CAMTA1: variants seen among roughly 807,000 people sequenced by gnomAD.
The protein encoded by CAMTA1 is calmodulin binding transcription activator 1.
In CAMTA1, 27 loss-of-function variants were observed where a neutral mutation model predicts 170.9. The ratio of observed to expected loss-of-function variants is 0.16; its 90% CI spans 0.12 to 0.22. The LOEUF (loss-of-function observed/expected upper bound fraction) is 0.22, where lower values mean the gene tolerates loss of function less well. Ranked by LOEUF, CAMTA1 falls within the 10% of genes least tolerant of loss-of-function variation. The pLI is 1.00. For synonymous variants in CAMTA1, 833 were observed against 891.5 expected, an observed-to-expected ratio of 0.93 and a Z score of 1.17; for missense variants, 1,619 against 2,217.2, an observed-to-expected ratio of 0.73 and a Z score of 5.42.
intron 4 of CAMTA1, among the ~76,000 whole-genome samples, chr1:7,223,178 A>G (rs1429050341): frequency 2.2e-5 from 1 of 46,368 alleles, no homozygotes; most frequent in Admixed American, 3.2e-4. Context: ...CACCCATCCA[A>G]CCATTCATTT....
intron 4 of CAMTA1, among the ~76,000 whole-genome samples, chr1:7,148,768 C>T (rs1646390535): frequency 1.3e-5 from 2 of 152,248 alleles, no homozygotes; most frequent in African/African-American, 2.4e-5. Flanking sequence ...GACCACCTCT[C>T]TCCAGCAGAC....
rs183431209 is a variant in CAMTA1, at chr1:7,300,270, C to G, written c.438+50644C>G. Among the ~76,000 whole-genome samples the G allele has an allele frequency of 4.4e-3, 675 of 152,310 alleles. 8 individuals carry two copies. Among genetic ancestry groups the G allele is most frequent in the Admixed American group, 0.024 (368 of 15,296 alleles). The stretch of plus-strand genomic sequence containing the variant: ...CCCTAGACCCTGGCACAGAATCACC[C>G]TGGTCCCCACTCTGGTCCTCCCTTC... On this transcript the variant is annotated intron_variant, in intron 5 of 22. Coordinates refer to ENST00000303635, the MANE Select transcript of CAMTA1 (RefSeq NM_015215.4). The surrounding 1 kb of genome is among the most constrained non-coding windows in gnomAD (Gnocchi z 4.1).
chr1:7,740,874 C>A (rs964902748), intron 16 of CAMTA1, among the ~76,000 whole-genome samples: 9 of 152,210 alleles, frequency 5.9e-5, no homozygotes, highest in East Asian at 1.9e-4. Context: ...TAACATCTTG[C>A]CAAATTAAGA....
chr1:7,213,875 T>G (rs1169747580), intron 4 of CAMTA1, among the ~76,000 whole-genome samples: 1 of 152,072 alleles, frequency 6.6e-6, no homozygotes, highest in East Asian at 1.9e-4. Flanking sequence ...TTTTTGTCCT[T>G]GCGATAGTTT....
chr1:7,373,132 T>A (rs2086601291), intron 5 of CAMTA1, among the ~76,000 whole-genome samples: 1 of 152,220 alleles, frequency 6.6e-6, no homozygotes, highest in South Asian at 2.1e-4. Context: ...CTATCAGCCA[T>A]GGCACTGGGT....
intron 3 of CAMTA1, among the ~76,000 whole-genome samples, chr1:6,877,863 A>G (rs1305749606): frequency 2.6e-5 from 4 of 152,162 alleles, no homozygotes; most frequent in Admixed American, 2.0e-4. Context: ...CTGGTAGGGG[A>G]AACTACCAAG....
At chr1:7,644,232 G>A (rs1301329436) in intron 7 of CAMTA1, among the ~76,000 whole-genome samples, 1 of 152,080 alleles carries the variant, frequency 6.6e-6, no homozygotes, top group Admixed American at 6.5e-5. Flanking sequence ...TCCCATCCTG[G>A]TCCTTGCAGC....
chr1:6,786,014 C>G (rs537271837), intron 1 of CAMTA1, among the ~76,000 whole-genome samples: 2 of 151,690 alleles, frequency 1.3e-5, no homozygotes, highest in Non-Finnish European at 3.0e-5. Context: ...TCGGGTCCTC[C>G]TGGCCCCGCG....
At chr1:6,786,049 G>A (rs1462988915) in intron 1 of CAMTA1, among the ~76,000 whole-genome samples, 1 of 151,700 alleles carries the variant, frequency 6.6e-6, no homozygotes. Flanking sequence ...GCCGGTCCCC[G>A]TCGGGCGGCA....
chr1:7,445,289 A>T (rs1224094235), intron 5 of CAMTA1, among the ~76,000 whole-genome samples: 1 of 151,618 alleles, frequency 6.6e-6, no homozygotes, highest in Non-Finnish European at 1.5e-5. Context: ...GCCTTCTGGA[A>T]TGATCCAAGC....
chr1:6,791,686 C>G (rs1264012652), intron 1 of CAMTA1, among the ~76,000 whole-genome samples: 1 of 152,194 alleles, frequency 6.6e-6, no homozygotes, highest in Non-Finnish European at 1.5e-5. Context: ...CATTCTTGCT[C>G]TGCTACTTTG....
intron 11 of CAMTA1, among the ~76,000 whole-genome samples, chr1:7,723,654 C>T (rs1350593806): frequency 6.6e-6 from 1 of 152,120 alleles, no homozygotes; most frequent in Non-Finnish European, 1.5e-5. Flanking sequence ...GCTGACCTCT[C>T]CAGGACATCA....
intron 4 of CAMTA1, among the ~76,000 whole-genome samples, chr1:7,161,508 CCTGTGCTGTTCT>C (rs1271433268): frequency 7.7e-4 from 117 of 152,302 alleles, no homozygotes; most frequent in Admixed American, 2.0e-3. Context: ...ACGGGTCTTT[CCTGTGCTGTTCT>C]CATGATAGTG....
rs536840373 is a variant in CAMTA1, at chr1:7,686,808, T to A, written c.2914+9075T>A. On this transcript the variant is annotated intron_variant, in intron 11 of 22. Transcript: ENST00000303635. The stretch of plus-strand genomic sequence containing the variant: ...AGGGACAGGGTGGGTTTGGGGTTGT[T>A]TGGAGGTGAAGTGAAGGGCTCTGCT... Among the ~76,000 whole-genome samples, 11 of 151,962 alleles carry A rather than the reference T, an allele frequency of 7.2e-5. 1 individual carries two copies. The highest frequency in any genetic ancestry group is 2.4e-4 in the African/African-American group (10 of 41,430).
At chr1:6,846,863 C>T (rs1658369389) in intron 3 of CAMTA1, among the ~76,000 whole-genome samples, 1 of 151,958 alleles carries the variant, frequency 6.6e-6, no homozygotes, top group Admixed American at 6.6e-5. Context: ...AAAAGGCAGC[C>T]ATAGTCTTGG....
At chr1:6,957,486 G>A (rs185559012) in intron 3 of CAMTA1, among the ~76,000 whole-genome samples, 19 of 151,908 alleles carry the variant, frequency 1.3e-4, no homozygotes, top group Middle Eastern at 3.4e-3. Flanking sequence ...GAGATAATCC[G>A]TTGCATTGGC....
At chr1:6,895,517 A>G (rs1340072746) in intron 3 of CAMTA1, among the ~76,000 whole-genome samples, 1 of 152,208 alleles carries the variant, frequency 6.6e-6, no homozygotes, top group Non-Finnish European at 1.5e-5. Flanking sequence ...TGTAAATAGG[A>G]TTCGTTCACT....
At chr1:7,747,825 C>A in intron 19 of CAMTA1, 44 bp downstream of exon 19, 2 of 1,409,392 alleles carry the variant, frequency 1.4e-6, no homozygotes, top group South Asian at 1.2e-5. Flanking sequence ...GTGCCCCACC[C>A]AAGGCCACTG....
At chr1:6,910,422 G>C (rs1469850117) in intron 3 of CAMTA1, among the ~76,000 whole-genome samples, 1 of 152,218 alleles carries the variant, frequency 6.6e-6, no homozygotes, top group Non-Finnish European at 1.5e-5. Flanking sequence ...CTTCTTTTTA[G>C]CCAGGCTGGA....
Sources: allele counts gnomAD v4.1 joint callset (sites outside exome capture counted in the v4.1 genomes callset), GRCh38; gene constraint gnomAD v4.1.1; non-coding constraint Gnocchi (gnomAD v3.1); transcripts MANE v1.5; gene names NCBI Gene and HGNC (gene_info 2026-07-23, HGNC 2026-07-21).